The following GEN1 variants were observed in gnomAD, a reference collection of about 807,000 sequenced individuals.
The protein encoded by GEN1 is flap endonuclease GEN homolog 1.
In GEN1, 64 loss-of-function variants were observed where a neutral mutation model predicts 67.6. That is an observed-to-expected ratio of 0.95 (90% CI 0.77 to 1.17). The LOEUF is 1.17. Among genes scored for constraint, GEN1 ranks in the 50% most tolerant of loss-of-function variants. The pLI is 0.00. For synonymous variants in GEN1, 371 were observed against 359.4 expected, an observed-to-expected ratio of 1.03 and a Z score of -0.37; for missense variants, 1,058 against 1,048.3, an observed-to-expected ratio of 1.01 and a Z score of -0.13.
chr2:17,760,072 A>G lies in GEN1; in HGVS notation c.129A>G (p.Lys43=), dbSNP rs1671602524. 1 of 1,613,992 alleles carries G rather than the reference A, an allele frequency of 6.2e-7. No homozygotes were observed. The highest frequency in any genetic ancestry group is 1.3e-5 in the African/African-American group (1 of 74,920). The change falls in exon 2 of 14, where the codon AAA becomes AAG. Residue 43 remains lysine, a synonymous_variant. Transcript: ENST00000381254. The part of the protein sequence containing the change: ...LWVCEAQTVK[K]MMGSVMKPHL... ...TGTGTGAGGCACAGACAGTCAAAAAAATGATGGGCAGCGTCATGAAGCCCC... is the reference window on the plus strand; with the variant it reads ...TGTGTGAGGCACAGACAGTCAAAAAGATGATGGGCAGCGTCATGAAGCCCC...
rs1010673842 is a variant in GEN1, at chr2:17,787,837, T to A, written c.*5898T>A. 2 of 152,386 alleles carry A rather than the reference T, an allele frequency of 1.3e-5. No homozygotes were observed. The highest frequency in any genetic ancestry group is 4.8e-5 in the African/African-American group (2 of 41,420). The allele number at this position is 152,386 out of a possible 1,614,324, so 9.4% of individuals were successfully genotyped here. On this transcript the variant is annotated 3_prime_UTR_variant, in exon 14 of 14. Coordinates refer to ENST00000381254, the MANE Select transcript of GEN1 (RefSeq NM_001130009.3). The stretch of plus-strand genomic sequence containing the variant: ...TACTTGGGAGGCTGAGACAAGAGAA[T>A]CACTTGAACCCGGGAGGCGGAGGTT...
rs751753032 is a variant in GEN1 at position 17,760,062 on chromosome 2, C to G, written c.119C>G (p.Thr40Arg). Residue 40 changes from threonine (T) to arginine (R), a missense_variant, in exon 2 of 14, where the codon ACA becomes AGA. Physicochemically the swap from Thr to Arg is moderately conservative, Grantham distance 71. Transcript: ENST00000381254. ...AGTCTCTGGGTGTGTGAGGCACAGACAGTCAAAAAAATGATGGGCAGCGTC... is the reference window on the plus strand; with the variant it reads ...AGTCTCTGGGTGTGTGAGGCACAGAGAGTCAAAAAAATGATGGGCAGCGTC... ...DLSLWVCEAQTVKKMMGSVMK... is the reference protein window; with the variant it reads ...DLSLWVCEAQRVKKMMGSVMK... 8 of 1,613,862 alleles carry G rather than the reference C, an allele frequency of 5.0e-6. No individual in the cohort carries two copies. The African/African-American group carries it at 6.7e-5, about 13-fold the overall frequency.
intron 2 of GEN1, among the ~76,000 whole-genome samples, chr2:17,760,659 C>T (rs1671632256): frequency 6.6e-6 from 1 of 152,122 alleles, no homozygotes; most frequent in Non-Finnish European, 1.5e-5. Context: ...CAGTGGCTCA[C>T]GCCTGTAATC....
intron 1 of GEN1, among the ~76,000 whole-genome samples, chr2:17,756,265 G>A (rs1671428954): frequency 6.6e-6 from 1 of 152,162 alleles, no homozygotes; most frequent in Non-Finnish European, 1.5e-5. Flanking sequence ...TTCTGACTTT[G>A]TTGATTCAAA....
chr2:17,771,115 A>G (rs1202535859), intron 6 of GEN1, 81 bp from the exon 7 acceptor site: 2 of 826,498 alleles, frequency 2.4e-6, no homozygotes, highest in African/African-American at 3.4e-5. Flanking sequence ...GAAAGGGAAT[A>G]GATCAGCCTG....
intron 4 of GEN1, among the ~76,000 whole-genome samples, 164 bp from the exon 5 acceptor site, chr2:17,766,415 C>T (rs556021406): frequency 1.3e-5 from 2 of 152,250 alleles, no homozygotes; most frequent in Admixed American, 1.3e-4. Context: ...AGTGATACAC[C>T]CACCTTGGCC....
intron 3 of GEN1, among the ~76,000 whole-genome samples, chr2:17,762,383 T>C (rs1459076695): frequency 6.6e-6 from 1 of 151,652 alleles, no homozygotes; most frequent in Non-Finnish European, 1.5e-5. Flanking sequence ...TTTTTGTTTT[T>C]TTTTTAGTAG....
chr2:17,780,514 G>A lies in GEN1; in HGVS notation c.1409-107G>A, dbSNP rs1572424218. ...AATGCACTGAGATCAAAAAAAGGCAGAAACTATTCATAGAGATTTCTCTCT... is the reference window on the plus strand; with the variant it reads ...AATGCACTGAGATCAAAAAAAGGCAAAAACTATTCATAGAGATTTCTCTCT... On this transcript the variant is annotated intron_variant, in intron 13 of 13. Coordinates refer to ENST00000381254, the MANE Select transcript of GEN1 (RefSeq NM_001130009.3). 2.1e-5 allele frequency: 15 copies of A among 710,106 alleles called. 1 individual carries two copies. Among genetic ancestry groups the A allele is most frequent in the Admixed American group, 3.3e-5 (1 of 30,598 alleles). The allele number at this position is 710,106 out of a possible 1,614,324, so 44.0% of individuals were successfully genotyped here.
At chr2:17,768,924 T>G (rs1261299975) in intron 6 of GEN1, 113 bp downstream of exon 6, 1 of 546,246 alleles carries the variant, frequency 1.8e-6, no homozygotes, top group Non-Finnish European at 3.2e-6. Context: ...ATTTTTAAAC[T>G]GACCTATATT....
At chr2:17,754,626 C>A (rs947984638) in intron 1 of GEN1, 1 of 152,266 alleles carries the variant, frequency 6.6e-6, no homozygotes, top group Non-Finnish European at 1.5e-5. Flanking sequence ...GTGCTTCCCC[C>A]GGGCATGCGA....
rs1417279534 is a variant in GEN1 at position 17,781,824 on chromosome 2, C to CA, written c.2617dup (p.Ser873LysfsTer10). 1 of 1,564,412 alleles carries CA rather than the reference C, an allele frequency of 6.4e-7. No homozygotes were observed. The highest frequency in any genetic ancestry group is 1.7e-5 in the Admixed American group (1 of 58,126). On this transcript the variant is annotated frameshift_variant, in exon 14 of 14. Transcript: ENST00000381254. LOFTEE classifies it low-confidence loss of function (END_TRUNC). ...GAAGAAAGCTGTTTCCCAGATTCAA[C>CA]AAAAAGTTCTCTGAGTTCTCTACAA...
In GEN1 at chr2:17,772,487, C is replaced by T. The variant is rs533161635; in HGVS notation, c.803-147C>T. The stretch of plus-strand genomic sequence containing the variant: ...CTATGGTGTCTATTACTCTATTCAT[C>T]CTAAATGTATTGAAACCTTTCTATA... On this transcript the variant is annotated intron_variant, in intron 7 of 13. Coordinates refer to ENST00000381254, the MANE Select transcript of GEN1 (RefSeq NM_001130009.3). The T allele has an allele frequency of 5.1e-4, 281 of 554,130 alleles. 1 individual carries two copies. Among genetic ancestry groups the T allele is most frequent in the African/African-American group, 2.4e-3 (128 of 53,348 alleles). The allele number at this position is 554,130 out of a possible 1,614,324, so 34.3% of individuals were successfully genotyped here.
At chr2:17,766,736 C>A in intron 5 of GEN1, 47 bp downstream of exon 5, 1 of 1,028,236 alleles carries the variant, frequency 9.7e-7, no homozygotes, top group South Asian at 1.3e-5. Flanking sequence ...AAGTCTTTTT[C>A]GTACTTTATG....
intron 11 of GEN1, among the ~76,000 whole-genome samples, chr2:17,776,558 G>A (rs191510404): frequency 1.3e-5 from 2 of 152,286 alleles, no homozygotes; most frequent in Admixed American, 6.5e-5. Flanking sequence ...GTAAAAGTAT[G>A]TGAGTATTCA....
At chr2:17,754,703 A>AC (rs1671320800) in intron 1 of GEN1, 1 of 152,306 alleles carries the variant, frequency 6.6e-6, no homozygotes. Flanking sequence ...CCATAGGCAC[A>AC]GTTGGGTGTT....
At position 17,786,874 on chromosome 2, in the gene GEN1, C is replaced by G. The variant is rs1013679068; in HGVS notation, c.*4935C>G. On this transcript the variant is annotated 3_prime_UTR_variant, in exon 14 of 14. Transcript: ENST00000381254. ...TACTAGATGCATGAATGACAATTCT[C>G]CACAACGCCCCACCCATGGAGCCTG... 6.6e-6 allele frequency: 1 copy of G among 152,192 alleles called. No individual in the cohort carries two copies. Among genetic ancestry groups the G allele is most frequent in the African/African-American group, 2.4e-5 (1 of 41,432 alleles). The allele number at this position is 152,192 out of a possible 1,614,324, so 9.4% of individuals were successfully genotyped here.
At position 17,778,308 on chromosome 2, in the gene GEN1, G is replaced by GTA. The variant is rs1220441521; in HGVS notation, c.1264+250_1264+251dup. On this transcript the variant is annotated intron_variant, in intron 12 of 13. Transcript: ENST00000381254. Reference sequence around the variant, plus strand: ...CACACACATGTGTGTGTACATATATGTATATACACACACACGTGTACATAT... The same window carrying GTA: ...CACACACATGTGTGTGTACATATATGTATATATACACACACACGTGTACATAT... 9.5e-5 allele frequency among the ~76,000 whole-genome samples: 6 copies of GTA among 63,334 alleles called. 3 individuals are homozygous for GTA. The highest frequency in any genetic ancestry group is 2.0e-4 in the Non-Finnish European group (6 of 30,654). The allele number at this position is 63,334 out of a possible 152,430, so 41.5% of individuals were successfully genotyped here.
intron 10 of GEN1, among the ~76,000 whole-genome samples, chr2:17,773,683 T>A (rs1304656710): frequency 6.6e-6 from 1 of 152,122 alleles, no homozygotes; most frequent in Non-Finnish European, 1.5e-5. Flanking sequence ...GTATTCCACC[T>A]ACTGTGTGAC....
chr2:17,769,305 T>A (rs189057090), intron 6 of GEN1, among the ~76,000 whole-genome samples: 90 of 152,056 alleles, frequency 5.9e-4, no homozygotes, highest in Non-Finnish European at 1.0e-3. Context: ...CTTGAACTCC[T>A]GGGCTCAAGT....
Sources: gnomAD v4.1 joint callset for allele counts (sites outside exome capture counted in the v4.1 genomes callset) on GRCh38, gnomAD v4.1.1 for gene constraint, MANE v1.5 for transcripts, NCBI Gene and HGNC (gene_info 2026-07-23, HGNC 2026-07-21) for gene names.